The following CDH12 variants were observed in gnomAD, a reference collection of about 807,000 sequenced individuals.
CDH12 encodes cadherin-12.
Under a neutral mutation model 74.1 loss-of-function variants are expected in CDH12, and 41 were observed. That is an observed-to-expected ratio of 0.55 (90% CI 0.43 to 0.72). CDH12 has a LOEUF of 0.72. CDH12 is among the 30% of genes least tolerant of loss of function. The probability of loss-of-function intolerance (pLI) is 0.00; values close to 1 mark genes in which losing one functional copy is unlikely to be tolerated. For synonymous variants in CDH12, 399 were observed against 355.0 expected, an observed-to-expected ratio of 1.12 and a Z score of -1.39; for missense variants, 945 against 977.2, an observed-to-expected ratio of 0.97 and a Z score of 0.44.
chr5:22,815,786 T>A (rs56345478), intron 1 of CDH12, among the ~76,000 whole-genome samples: 43,593 of 131,706 alleles, frequency 0.33, 7,856 homozygotes, highest in Non-Finnish European at 0.41. Flanking sequence ...AAAAAAAAAA[T>A]AAATAAATAA....
At chr5:21,878,324 A>C (rs1752044962) in intron 6 of CDH12, among the ~76,000 whole-genome samples, 3 of 152,188 alleles carry the variant, frequency 2.0e-5, no homozygotes, top group Admixed American at 2.0e-4. Flanking sequence ...GCAGAAGTTC[A>C]CTGTAGCTAA....
chr5:22,435,928 TC>T (rs1037291811), intron 2 of CDH12, among the ~76,000 whole-genome samples: 1 of 151,564 alleles, frequency 6.6e-6, no homozygotes, highest in African/African-American at 2.4e-5. Context: ...CTCACTGGTT[TC>T]CCCCCACCCA....
chr5:22,269,143 G>A (rs937637780), intron 3 of CDH12, among the ~76,000 whole-genome samples: 3 of 151,992 alleles, frequency 2.0e-5, no homozygotes, highest in Admixed American at 2.0e-4. Context: ...TAATAAATGT[G>A]CTTAAACACT....
chr5:22,166,341 T>A (rs1461153804), intron 4 of CDH12, among the ~76,000 whole-genome samples: 1 of 152,178 alleles, frequency 6.6e-6, no homozygotes, highest in Non-Finnish European at 1.5e-5. Flanking sequence ...GCACTGGGAA[T>A]TATATAGCTG....
rs7734194 is a variant in CDH12 at position 22,640,531 on chromosome 5, G to T, written c.-522-135167C>A. ...TTTGATCATGATATCTACATCATTG[G>T]CTCATTCCCATTCATATAATTTAAC... On this transcript the variant is annotated intron_variant, in intron 1 of 14. Transcript: ENST00000382254. 5.7e-3 allele frequency among the ~76,000 whole-genome samples: 868 copies of T among 152,086 alleles called. 8 individuals carry two copies. Among genetic ancestry groups the T allele is most frequent in the African/African-American group, 0.02 (840 of 41,490 alleles).
intron 6 of CDH12, among the ~76,000 whole-genome samples, chr5:21,865,339 A>C (rs904700179): frequency 1.3e-5 from 2 of 152,152 alleles, no homozygotes; most frequent in Admixed American, 1.3e-4. Context: ...TATGAGATCA[A>C]ACTAAGGGGG....
At chr5:22,830,183 T>C (rs1480748418) in intron 1 of CDH12, among the ~76,000 whole-genome samples, 2 of 152,174 alleles carry the variant, frequency 1.3e-5, no homozygotes, top group African/African-American at 4.8e-5. Flanking sequence ...TGAATTTCCG[T>C]CATGTGAATC....
At chr5:22,431,320 C>T (rs563102204) in intron 2 of CDH12, among the ~76,000 whole-genome samples, 3 of 152,216 alleles carry the variant, frequency 2.0e-5, no homozygotes, top group Non-Finnish European at 4.4e-5. Flanking sequence ...TGAAAAATTC[C>T]TATTGTTCTA....
chr5:22,322,711 G>C (rs530505204), intron 3 of CDH12, among the ~76,000 whole-genome samples: 25 of 152,246 alleles, frequency 1.6e-4, no homozygotes, highest in Non-Finnish European at 3.2e-4. Flanking sequence ...GATGAGAAGT[G>C]AAGAAATTGC....
At chr5:21,869,192 C>T (rs1048085515) in intron 6 of CDH12, among the ~76,000 whole-genome samples, 2 of 152,148 alleles carry the variant, frequency 1.3e-5, no homozygotes, top group African/African-American at 4.8e-5. Context: ...TACTACTCCA[C>T]AATAGAGGTA....
chr5:22,750,792 T>A (rs1745528003), intron 1 of CDH12, among the ~76,000 whole-genome samples: 1 of 152,000 alleles, frequency 6.6e-6, no homozygotes, highest in African/African-American at 2.4e-5. Flanking sequence ...ACCTGCAAGA[T>A]ACTAAGATGA....
At chr5:22,844,691 A>G (rs1401648157) in intron 1 of CDH12, among the ~76,000 whole-genome samples, 4 of 152,210 alleles carry the variant, frequency 2.6e-5, no homozygotes, top group African/African-American at 7.2e-5. Context: ...ATACTCCACA[A>G]GAGGAAATAA....
At chr5:22,551,032 C>A (rs902403829) in intron 1 of CDH12, among the ~76,000 whole-genome samples, 1 of 152,154 alleles carries the variant, frequency 6.6e-6, no homozygotes, top group Non-Finnish European at 1.5e-5. Context: ...AGAGGTTTGA[C>A]TTTCTCACCA....
At chr5:21,990,464 T>A (rs1757696846) in intron 5 of CDH12, among the ~76,000 whole-genome samples, 1 of 152,050 alleles carries the variant, frequency 6.6e-6, no homozygotes, top group South Asian at 2.1e-4. Flanking sequence ...ATGTAAAATG[T>A]AGACTATAAT....
intron 1 of CDH12, among the ~76,000 whole-genome samples, chr5:22,710,731 T>C (rs1421574381): frequency 6.6e-6 from 1 of 152,108 alleles, no homozygotes; most frequent in Non-Finnish European, 1.5e-5. Flanking sequence ...TCACAATTAG[T>C]TGGTCTTTTG....
At chr5:22,764,214 A>G (rs1746382395) in intron 1 of CDH12, among the ~76,000 whole-genome samples, 1 of 151,872 alleles carries the variant, frequency 6.6e-6, no homozygotes, top group South Asian at 2.1e-4. Context: ...TTCAATACCC[A>G]ATGCATTTTA....
At chr5:22,535,995 A>C (rs1000791715) in intron 1 of CDH12, among the ~76,000 whole-genome samples, 3 of 152,226 alleles carry the variant, frequency 2.0e-5, no homozygotes, top group African/African-American at 7.2e-5. Context: ...TGTCTTAGGT[A>C]TTACATTTTG....
At chr5:22,343,323 CAG>C (rs377016972) in intron 3 of CDH12, among the ~76,000 whole-genome samples, 3,820 of 135,866 alleles carry the variant, frequency 0.028, 82 homozygotes, top group African/African-American at 0.05. Context: ...GACACACACA[CAG>C]AGAGAGAGAG....
At chr5:22,238,452 G>C (rs1752633507) in intron 3 of CDH12, among the ~76,000 whole-genome samples, 1 of 152,160 alleles carries the variant, frequency 6.6e-6, no homozygotes, top group Non-Finnish European at 1.5e-5. Flanking sequence ...AATTATCACT[G>C]TAAAGAAAGT....
Sources: gnomAD v4.1 joint callset for allele counts (sites outside exome capture counted in the v4.1 genomes callset) on GRCh38, gnomAD v4.1.1 for gene constraint, MANE v1.5 for transcripts, NCBI Gene and HGNC (gene_info 2026-07-23, HGNC 2026-07-21) for gene names.